Variants in SOX6 observed in about 807,000 individuals in gnomAD.
SOX6 encodes the protein transcription factor SOX-6.
In SOX6, 11 loss-of-function variants were observed where a neutral mutation model predicts 97.8. The ratio of observed to expected loss-of-function variants is 0.11; its 90% CI spans 0.07 to 0.19. The LOEUF (loss-of-function observed/expected upper bound fraction) is 0.19, where lower values mean the gene tolerates loss of function less well. Among genes scored for constraint, SOX6 ranks in the 10% least tolerant of loss-of-function variants. The pLI is 1.00. For synonymous variants in SOX6, 360 were observed against 371.4 expected, an observed-to-expected ratio of 0.97 and a Z score of 0.35; for missense variants, 810 against 1,039.5, an observed-to-expected ratio of 0.78 and a Z score of 3.04.
At chr11:16,551,972 C>G (rs73417112) in intron 4 of SOX6, among the ~76,000 whole-genome samples, 3,865 of 152,182 alleles carry the variant, frequency 0.025, 153 homozygotes, top group African/African-American at 0.088. Context: ...ATTAACAATT[C>G]AAAGGGTATT....
At chr11:16,279,471 T>G (rs985171722) in intron 3 of SOX6, among the ~76,000 whole-genome samples, 1 of 151,998 alleles carries the variant, frequency 6.6e-6, no homozygotes, top group Non-Finnish European at 1.5e-5. Flanking sequence ...TTCTGAAGAG[T>G]TTGGCTATTG....
intron 1 of SOX6, among the ~76,000 whole-genome samples, chr11:16,417,006 A>T (rs895169334): frequency 2.6e-5 from 4 of 152,172 alleles, no homozygotes; most frequent in African/African-American, 7.2e-5. Flanking sequence ...ATACTGGACG[A>T]ATTTAGCTAC....
intron 12 of SOX6, among the ~76,000 whole-genome samples, chr11:16,020,971 C>A (rs1435134753): frequency 1.3e-5 from 2 of 151,722 alleles, no homozygotes; most frequent in Admixed American, 6.6e-5. Flanking sequence ...TCTAAAAGGG[C>A]AATAATAATC....
chr11:16,381,064 G>C (rs144975397), intron 1 of SOX6, among the ~76,000 whole-genome samples: 198 of 152,008 alleles, frequency 1.3e-3, no homozygotes, highest in African/African-American at 4.5e-3. Flanking sequence ...CAAATGTAAA[G>C]AATTTCCATA....
At chr11:16,499,744 C>T (rs1860669226) in intron 4 of SOX6, among the ~76,000 whole-genome samples, 1 of 152,158 alleles carries the variant, frequency 6.6e-6, no homozygotes, top group South Asian at 2.1e-4. Context: ...CATACACCCT[C>T]CCAACACTAA....
intron 3 of SOX6, among the ~76,000 whole-genome samples, chr11:16,281,268 A>T (rs907743815): frequency 2.6e-5 from 4 of 152,102 alleles, no homozygotes; most frequent in Non-Finnish European, 5.9e-5. Flanking sequence ...TATGTGTCAC[A>T]TATATGTGTA....
At chr11:16,048,046 G>A (rs1438353002) in intron 11 of SOX6, among the ~76,000 whole-genome samples, 1 of 152,068 alleles carries the variant, frequency 6.6e-6, no homozygotes, top group Non-Finnish European at 1.5e-5. Context: ...GCTGAGTAGA[G>A]TTCCATAAAA....
At chr11:15,979,728 C>A (rs1030051385) in intron 15 of SOX6, among the ~76,000 whole-genome samples, 1 of 152,056 alleles carries the variant, frequency 6.6e-6, no homozygotes, top group Non-Finnish European at 1.5e-5. Flanking sequence ...CCCACATTTC[C>A]CAGATATCTG....
At chr11:16,321,494 T>C (rs1413955499) in intron 2 of SOX6, among the ~76,000 whole-genome samples, 1 of 152,068 alleles carries the variant, frequency 6.6e-6, no homozygotes. Flanking sequence ...TTTTTTTCTA[T>C]CAGGACTAAT....
intron 4 of SOX6, among the ~76,000 whole-genome samples, chr11:16,229,320 A>G (rs1452977005): frequency 6.6e-6 from 1 of 152,112 alleles, no homozygotes; most frequent in Non-Finnish European, 1.5e-5. Context: ...CAAAAGTACC[A>G]TTATCATTAA....
At chr11:16,244,860 T>A (rs1233002459) in intron 3 of SOX6, among the ~76,000 whole-genome samples, 1 of 151,752 alleles carries the variant, frequency 6.6e-6, no homozygotes, top group Non-Finnish European at 1.5e-5. Context: ...GTCTTCATTG[T>A]TGCAGCCTTA....
intron 3 of SOX6, among the ~76,000 whole-genome samples, chr11:16,271,499 T>C (rs568648652): frequency 6.6e-6 from 1 of 151,600 alleles, no homozygotes; most frequent in South Asian, 2.1e-4. Flanking sequence ...GGCCTAGTGC[T>C]TTAAGAGTAT....
intron 13 of SOX6, among the ~76,000 whole-genome samples, chr11:16,005,139 G>T (rs1486702064): frequency 6.6e-6 from 1 of 151,922 alleles, no homozygotes; most frequent in African/African-American, 2.4e-5. Flanking sequence ...TCATACCTGG[G>T]TGATGTTTGC....
chr11:16,470,103 T>C (rs1860113838), intron 1 of SOX6, among the ~76,000 whole-genome samples: 1 of 152,174 alleles, frequency 6.6e-6, no homozygotes, highest in South Asian at 2.1e-4. Context: ...AGTATATCTC[T>C]AATTAACATG....
At chr11:16,658,327 T>G (rs992684836) in intron 3 of SOX6, among the ~76,000 whole-genome samples, 1 of 152,240 alleles carries the variant, frequency 6.6e-6, no homozygotes, top group Non-Finnish European at 1.5e-5. Context: ...CTTTTGCGTA[T>G]TTTTCAATTG....
At chr11:16,165,314 T>G (rs945060122) in intron 6 of SOX6, among the ~76,000 whole-genome samples, 1 of 152,184 alleles carries the variant, frequency 6.6e-6, no homozygotes, top group Non-Finnish European at 1.5e-5. Flanking sequence ...CTTACTAAAC[T>G]GTGAGTTTCT....
At chr11:16,251,350 G>A (rs990769205) in intron 3 of SOX6, among the ~76,000 whole-genome samples, 7 of 151,868 alleles carry the variant, frequency 4.6e-5, no homozygotes, top group African/African-American at 1.7e-4. Flanking sequence ...AAAGATTAAT[G>A]AAATTAATAA....
Position 16,655,701 on chromosome 11 carries a change from C to G in SOX6, n.430-43441G>C, listed in dbSNP as rs577590210. 2.6e-5 allele frequency among the ~76,000 whole-genome samples: 4 copies of G among 152,258 alleles called. No homozygotes were observed. In the East Asian group the frequency reaches 7.7e-4, roughly 29 times the overall value. On this transcript the variant is annotated intron_variant and non_coding_transcript_variant, in intron 3 of 5. Coordinates refer to the SOX6 transcript ENST00000524520. Reference sequence around the variant, plus strand: ...TCGTACTAGAAATATGTTAGCATTGCTGATCTTTCTTACATGCCCCTTCAC... The same window carrying G: ...TCGTACTAGAAATATGTTAGCATTGGTGATCTTTCTTACATGCCCCTTCAC...
At chr11:16,103,745 A>G (rs948385468) in intron 7 of SOX6, among the ~76,000 whole-genome samples, 1 of 151,954 alleles carries the variant, frequency 6.6e-6, no homozygotes, top group Non-Finnish European at 1.5e-5. Context: ...GGAATTGGAG[A>G]TTATTATTCT....
Sources: gnomAD v4.1 joint callset for allele counts (sites outside exome capture counted in the v4.1 genomes callset) on GRCh38, gnomAD v4.1.1 for gene constraint, MANE v1.5 for transcripts, NCBI Gene and HGNC (gene_info 2026-07-23, HGNC 2026-07-21) for gene names.